The following FREM2 variants were observed in gnomAD, a reference collection of about 807,000 sequenced individuals.
The protein encoded by FREM2 is FRAS1 related extracellular matrix 2.
Under a neutral mutation model 219.9 loss-of-function variants are expected in FREM2, and 119 were observed. That is an observed-to-expected ratio of 0.54 (90% CI 0.47 to 0.63). FREM2 has a LOEUF of 0.63. FREM2 is among the 30% of genes least tolerant of loss of function. FREM2 has a pLI of 0.00. For missense variants in FREM2, 4,030 were observed against 3,993.6 expected (o/e 1.01, Z -0.25); for synonymous variants, 1,562 against 1,522.8 (o/e 1.03, Z -0.60).
intron 2 of FREM2, among the ~76,000 whole-genome samples, chr13:38,724,612 A>T (rs2138112298): frequency 6.6e-6 from 1 of 152,236 alleles, no homozygotes; most frequent in East Asian, 1.9e-4. Flanking sequence ...AAAAAAATTG[A>T]AATTTGTTTA....
At chr13:38,754,882 TGATGATGATG>T (rs1566129629) in intron 2 of FREM2, among the ~76,000 whole-genome samples, 5 of 92,650 alleles carry the variant, frequency 5.4e-5, no homozygotes, top group Admixed American at 2.5e-4. Flanking sequence ...ATGATGATGA[TGATGATGATG>T]ATGATGATGA....
intron 11 of FREM2, 133 bp from the exon 12 acceptor site, chr13:38,855,993 C>T (rs569690897): frequency 6.4e-6 from 4 of 623,276 alleles, no homozygotes; most frequent in African/African-American, 3.8e-5. Flanking sequence ...TACACACACA[C>T]CCAAATATAC....
intron 5 of FREM2, 94 bp downstream of exon 5, chr13:38,783,289 T>C: frequency 7.8e-7 from 1 of 1,286,446 alleles, no homozygotes; most frequent in South Asian, 1.2e-5. Context: ...CCATGAGGGG[T>C]ATACTTTATT....
intron 2 of FREM2, among the ~76,000 whole-genome samples, chr13:38,749,245 G>A (rs536624480): frequency 3.9e-5 from 6 of 152,218 alleles, no homozygotes; most frequent in Admixed American, 6.5e-5. Context: ...TCTAACTTCC[G>A]AAAGGATTAG....
At chr13:38,708,309 C>T (rs1192601733) in intron 2 of FREM2, among the ~76,000 whole-genome samples, 1 of 152,014 alleles carries the variant, frequency 6.6e-6, no homozygotes, top group Non-Finnish European at 1.5e-5. Context: ...CTCTTTTTGC[C>T]TTCCCCTCTG....
In FREM2 at chr13:38,703,446, A is replaced by T. The variant is rs186646953; in HGVS notation, c.5263+5659A>T. Among the ~76,000 whole-genome samples the T allele has an allele frequency of 2.3e-3, 355 of 152,284 alleles. 1 individual carries two copies. The highest frequency in any genetic ancestry group is 8.2e-3 in the African/African-American group (340 of 41,568). ...AAATATTTTTAATCTGTGAGAGACC[A>T]CAAGGTCTACTAGAATACAGATCTT... is the stretch of plus-strand genomic sequence containing the variant. On this transcript the variant is annotated intron_variant, in intron 2 of 23. Coordinates refer to ENST00000280481, the MANE Select transcript of FREM2 (RefSeq NM_207361.6).
intron 2 of FREM2, among the ~76,000 whole-genome samples, chr13:38,725,711 TAA>T (rs1871491102): frequency 6.6e-6 from 1 of 152,188 alleles, no homozygotes; most frequent in Admixed American, 6.5e-5. Flanking sequence ...CTCTTCCACT[TAA>T]AGTTTTCAAG....
intron 2 of FREM2, among the ~76,000 whole-genome samples, chr13:38,719,442 A>G (rs889255284): frequency 1.3e-5 from 2 of 152,122 alleles, no homozygotes; most frequent in African/African-American, 4.8e-5. Context: ...GCTGGTTCCG[A>G]ACCCCTGACC....
chr13:38,718,893 A>C (rs1310784266), intron 2 of FREM2, among the ~76,000 whole-genome samples: 1 of 152,226 alleles, frequency 6.6e-6, no homozygotes, highest in East Asian at 1.9e-4. Flanking sequence ...AGGAGCAGTC[A>C]GTCGTTTCTA....
At chr13:38,783,587 A>G (rs561882282) in intron 5 of FREM2, among the ~76,000 whole-genome samples, 1 of 152,224 alleles carries the variant, frequency 6.6e-6, no homozygotes, top group African/African-American at 2.4e-5. Context: ...TGTTTTGCTC[A>G]TGAGCAAATA....
chr13:38,746,952 G>A (rs1285367298), intron 2 of FREM2, among the ~76,000 whole-genome samples: 3 of 152,258 alleles, frequency 2.0e-5, no homozygotes, highest in South Asian at 2.1e-4. Flanking sequence ...TCCAAACACC[G>A]GCCAGGTTGG....
At chr13:38,832,824 C>T (rs556973122) in intron 6 of FREM2, among the ~76,000 whole-genome samples, 5 of 152,182 alleles carry the variant, frequency 3.3e-5, no homozygotes, top group Admixed American at 1.3e-4. Flanking sequence ...GCGGACAGAT[C>T]GCTTGAGTCC....
intron 6 of FREM2, among the ~76,000 whole-genome samples, chr13:38,811,577 T>C (rs937958165): frequency 6.6e-6 from 1 of 152,106 alleles, no homozygotes; most frequent in African/African-American, 2.4e-5. Flanking sequence ...TTCCGGAGCA[T>C]ATTGTTTATT....
At position 38,689,480 on chromosome 13, in the gene FREM2, G is replaced by A. The variant is rs1869701323; in HGVS notation, c.2136G>A (p.Val712=). 6.2e-7 allele frequency: 1 copy of A among 1,614,006 alleles called. No homozygotes were observed. Among genetic ancestry groups the A allele is most frequent in the East Asian group, 2.2e-5 (1 of 44,858 alleles). The part of the protein sequence containing the change: ...ELGSGCPLRM[V]VQESQLTPLR... ...GCAGTGGCTGTCCCCTTCGTATGGT[G>A]GTACAGGAATCCCAGCTCACACCAC... The change falls in exon 1 of 24, where the codon GTG becomes GTA. Residue 712 remains valine, a synonymous_variant. Transcript: ENST00000280481.
chr13:38,747,935 C>G (rs1872555343), intron 2 of FREM2, among the ~76,000 whole-genome samples: 2 of 152,138 alleles, frequency 1.3e-5, no homozygotes, highest in Admixed American at 1.3e-4. Context: ...TCTTAGTAAG[C>G]CTTTAAATCC....
At chr13:38,858,156 C>A in intron 13 of FREM2, 123 bp downstream of exon 13, 1 of 882,064 alleles carries the variant, frequency 1.1e-6, no homozygotes, top group Non-Finnish European at 1.8e-6. Context: ...ATGGTTTAAG[C>A]CTTGAGCTTT....
chr13:38,722,263 T>C (rs1412143154), intron 2 of FREM2, among the ~76,000 whole-genome samples: 1 of 152,202 alleles, frequency 6.6e-6, no homozygotes, highest in African/African-American at 2.4e-5. Context: ...GTTCCCTCTG[T>C]TGCCCAGGCT....
At chr13:38,856,343 TGAG>T in intron 12 of FREM2, 87 bp downstream of exon 12, 2 of 1,235,080 alleles carry the variant, frequency 1.6e-6, no homozygotes, top group Middle Eastern at 4.0e-4. Flanking sequence ...TACAACAAAA[TGAG>T]GAGACTTTGA....
chr13:38,881,100 G>T lies in FREM2; in HGVS notation c.*313G>T. On this transcript the variant is annotated 3_prime_UTR_variant, in exon 24 of 24. Transcript: ENST00000280481. Reference sequence around the variant, plus strand: ...TGCAGTGGAGATAAATCTATTAAAAGGTGCTAACAGACTCTCTTACAAGTG... The same window carrying T: ...TGCAGTGGAGATAAATCTATTAAAATGTGCTAACAGACTCTCTTACAAGTG... The T allele has an allele frequency of 2.4e-6, 1 of 414,222 alleles. No homozygotes were observed. The highest frequency in any genetic ancestry group is 5.1e-5 in the East Asian group (1 of 19,446). 25.7% of individuals were successfully genotyped at this position (414,222 alleles called of 1,614,324 possible). A position where few individuals can be genotyped will look rare whatever the true frequency, so the allele number is the denominator to read the frequency against.
Sources: gnomAD v4.1 joint callset for allele counts (sites outside exome capture counted in the v4.1 genomes callset) on GRCh38, gnomAD v4.1.1 for gene constraint, MANE v1.5 for transcripts, NCBI Gene and HGNC (gene_info 2026-07-23, HGNC 2026-07-21) for gene names.